The following KMT2C variants were observed in gnomAD, a reference collection of about 807,000 sequenced individuals.
KMT2C encodes the protein histone-lysine N-methyltransferase 2C.
Under a neutral mutation model 507.9 loss-of-function variants are expected in KMT2C, and 88 were observed. The ratio of observed to expected loss-of-function variants is 0.17; its 90% CI spans 0.15 to 0.21. KMT2C has a LOEUF of 0.21. Among genes scored for constraint, KMT2C ranks in the 10% least tolerant of loss-of-function variants. The pLI is 1.00. For missense variants in KMT2C, 4,954 were observed against 5,957.8 expected (o/e 0.83, Z 5.55); for synonymous variants, 2,049 against 2,080.8 (o/e 0.98, Z 0.42).
rs1467523251 is a variant in KMT2C at position 152,252,055 on chromosome 7, T to C, written c.1505A>G (p.His502Arg). 6.2e-7 allele frequency: 1 copy of C among 1,612,030 alleles called. No individual in the cohort carries two copies. ...VHLECDKPTD[H>R]ELDTQLKEEY... ...TTCTTTGAGCTGAGTATCCAGTTCA[T>C]GATCTGTTGGTTTGTCACACTCTAG... Residue 502 changes from histidine (H) to arginine (R), a missense_variant, in exon 11 of 59, where the codon CAT (histidine) becomes CGT (arginine). Transcript: ENST00000262189.
intron 6 of KMT2C, among the ~76,000 whole-genome samples, chr7:152,303,364 T>C (rs1279428445): frequency 1.3e-5 from 2 of 152,236 alleles, no homozygotes; most frequent in Non-Finnish European, 2.9e-5. Context: ...CTGTCCTGCA[T>C]ATTGCAGAAT....
At chr7:152,251,796 A>T (rs1404063966) in intron 11 of KMT2C, 143 bp downstream of exon 11, 1 of 483,166 alleles carries the variant, frequency 2.1e-6, no homozygotes, top group Admixed American at 4.0e-5. Context: ...GATAACAAAT[A>T]CATTTAAAGG....
intron 4 of KMT2C, 150 bp from the exon 5 acceptor site, chr7:152,312,096 T>C: frequency 2.0e-6 from 1 of 509,718 alleles, no homozygotes; most frequent in African/African-American, 1.9e-5. Flanking sequence ...TCTGTTAGTA[T>C]TATCCATGGT....
rs2097251485 is a variant in KMT2C, at chr7:152,366,916, A to ACGGGC, written c.162-8246_162-8242dup. The ACGGGC allele has an allele frequency of 1.6e-5, 7 of 445,396 alleles. No individual in the cohort carries two copies. The South Asian group carries it at 1.9e-4, about 12-fold the overall frequency. The allele number at this position is 445,396 out of a possible 1,614,324, so 27.6% of individuals were successfully genotyped here. On this transcript the variant is annotated intron_variant, in intron 1 of 58. Transcript: ENST00000262189. ...CGGCGCGAGCTGGCGCTGCGAGCCA[A>ACGGGC]CGGGCCGGCGCCTGGCGGGCACGAT... is the stretch of plus-strand genomic sequence containing the variant.
chr7:152,268,458 C>A (rs2095898737), intron 7 of KMT2C, among the ~76,000 whole-genome samples: 1 of 152,092 alleles, frequency 6.6e-6, no homozygotes, highest in African/African-American at 2.4e-5. Context: ...AACTTTGTAT[C>A]CCCAACTGCC....
chr7:152,367,315 T>C, intron 1 of KMT2C: 2 of 995,020 alleles, frequency 2.0e-6, no homozygotes, highest in South Asian at 1.4e-5. Flanking sequence ...GGAGGAGCCC[T>C]GACCTGCACC....
chr7:152,150,919 G>A lies in KMT2C; in HGVS notation c.12755C>T (p.Ala4252Val), dbSNP rs537579296. ...TCTCACCTTGTTTTCTGAGTTTTTC[G>A]CTTGTGCAGTTGATGAATAAAGAAT... The part of the protein sequence containing the change: ...CFILYSSTAQ[A>V]KNSENKESIP... The change falls in exon 51 of 59, where the codon GCG becomes GTG. Residue 4252 changes from alanine to valine, a missense_variant. By Grantham distance (64) the Ala-to-Val change is moderately conservative (BLOSUM62 0). Transcript: ENST00000262189. 237 of 1,609,964 alleles carry A rather than the reference G, an allele frequency of 1.5e-4. 3 individuals carry two copies. The South Asian group carries it at 1.7e-3, about 12-fold the overall frequency.
intron 1 of KMT2C, among the ~76,000 whole-genome samples, chr7:152,411,320 A>C (rs1400628150): frequency 2.4e-4 from 37 of 152,022 alleles, no homozygotes; most frequent in Non-Finnish European, 5.0e-4. Context: ...TCCTGCAACA[A>C]TGTTTTCAGT....
At position 152,207,329 on chromosome 7, in the gene KMT2C, T is replaced by C. The variant is rs368310554; in HGVS notation, c.3812A>G (p.Lys1271Arg). The stretch of plus-strand genomic sequence containing the variant: ...TCTGTATGGTTTCCTTTTTCTCTTT[T>C]TGACACCATCTGTTCCTTCCACTCC... Reference protein sequence around the residue: ...TKGVEGTDGVKKRKRKPYRPG... With the variant: ...TKGVEGTDGVRKRKRKPYRPG... The change falls in exon 24 of 59, where the codon AAA (lysine) becomes AGA (arginine). Residue 1271 changes from lysine (K) to arginine (R), a missense_variant. Around this residue, in one of 29 missense-constraint regions of KMT2C, gnomAD observed 176 missense variants for 262.0 expected, o/e 0.67. Coordinates refer to ENST00000262189, the MANE Select transcript of KMT2C (RefSeq NM_170606.3). The C allele has an allele frequency of 6.2e-6, 10 of 1,604,984 alleles. No homozygotes were observed. The highest frequency in any genetic ancestry group is 1.3e-5 in the African/African-American group (1 of 74,090).
intron 6 of KMT2C, among the ~76,000 whole-genome samples, chr7:152,295,435 T>C (rs1020723116): frequency 6.6e-6 from 1 of 152,220 alleles, no homozygotes; most frequent in Non-Finnish European, 1.5e-5. Flanking sequence ...AAAATCCATA[T>C]ACCCTCATAG....
At chr7:152,428,045 C>T (rs2097836927) in intron 1 of KMT2C, among the ~76,000 whole-genome samples, 1 of 152,154 alleles carries the variant, frequency 6.6e-6, no homozygotes, top group Non-Finnish European at 1.5e-5. Flanking sequence ...TAATAATAGG[C>T]ATCATTAAAT....
chr7:152,191,735 T>C (rs2093800130), intron 31 of KMT2C, among the ~76,000 whole-genome samples: 1 of 152,226 alleles, frequency 6.6e-6, no homozygotes, highest in Non-Finnish European at 1.5e-5. Context: ...AATGTCCACT[T>C]CTAGTTTTGC....
intron 27 of KMT2C, 36 bp downstream of exon 27, chr7:152,199,243 G>A: frequency 6.7e-7 from 1 of 1,500,286 alleles, no homozygotes; most frequent in Non-Finnish European, 9.0e-7. Flanking sequence ...TATGTTATAT[G>A]ATATAAAGAA....
intron 35 of KMT2C, 104 bp from the exon 36 acceptor site, chr7:152,182,698 C>T (rs2093473005): frequency 9.7e-7 from 1 of 1,028,782 alleles, no homozygotes; most frequent in African/African-American, 1.6e-5. Flanking sequence ...GATGTCAGCG[C>T]TACCAGATTG....
chr7:152,194,709 CAT>C, intron 28 of KMT2C, 141 bp from the exon 29 acceptor site: 1 of 549,998 alleles, frequency 1.8e-6, no homozygotes. Flanking sequence ...TCAGAATTCT[CAT>C]ATCAATTTGG....
intron 3 of KMT2C, among the ~76,000 whole-genome samples, chr7:152,324,824 T>C (rs2096810933): frequency 6.6e-6 from 1 of 151,952 alleles, no homozygotes; most frequent in South Asian, 2.1e-4. Context: ...CATTACAATA[T>C]TACAAAAATT....
chr7:152,408,974 A>C (rs2097652073), intron 1 of KMT2C, among the ~76,000 whole-genome samples: 1 of 152,072 alleles, frequency 6.6e-6, no homozygotes, highest in Non-Finnish European at 1.5e-5. Flanking sequence ...CTAATTCATC[A>C]AACTGGGTGG....
At chr7:152,335,647 AAC>A (rs1176283560) in intron 2 of KMT2C, among the ~76,000 whole-genome samples, 1 of 152,208 alleles carries the variant, frequency 6.6e-6, no homozygotes, top group African/African-American at 2.4e-5. Flanking sequence ...CGAAGTATAT[AAC>A]AGTTTCAGCT....
At chr7:152,315,899 C>A (rs2096718635) in intron 3 of KMT2C, among the ~76,000 whole-genome samples, 1 of 151,956 alleles carries the variant, frequency 6.6e-6, no homozygotes, top group African/African-American at 2.4e-5. Context: ...GGTGACAGAG[C>A]AAGACTCTGT....
Sources: allele counts gnomAD v4.1 joint callset (sites outside exome capture counted in the v4.1 genomes callset), GRCh38; gene constraint gnomAD v4.1.1; regional missense constraint gnomAD v4.1.1; transcripts MANE v1.5; gene names NCBI Gene and HGNC (gene_info 2026-07-23, HGNC 2026-07-21).